SPIDR: variants seen among roughly 807,000 people sequenced by gnomAD.
SPIDR encodes scaffold protein involved in DNA repair.
A neutral mutation model predicts 104.6 loss-of-function variants in SPIDR; 93 were observed. The ratio of observed to expected loss-of-function variants is 0.89; its 90% CI spans 0.75 to 1.06. The LOEUF is 1.06. SPIDR is among the 50% of genes least tolerant of loss of function. The probability of loss-of-function intolerance (pLI) is 0.00; values close to 1 mark genes in which losing one functional copy is unlikely to be tolerated. For synonymous variants in SPIDR, 431 were observed against 416.9 expected (o/e 1.03, Z -0.41); for missense variants, 1,154 against 1,111.2 (o/e 1.04, Z -0.55).
intron 10 of SPIDR, among the ~76,000 whole-genome samples, chr8:47,671,585 AAAATAAATAAAT>A (rs60133278): frequency 7.7e-5 from 11 of 142,782 alleles, no homozygotes; most frequent in Admixed American, 1.4e-4. Flanking sequence ...ACTCCATCTC[AAAATAAATAAAT>A]AAATAAATAA....
At chr8:47,725,448 G>C (rs2084081699) in intron 16 of SPIDR, among the ~76,000 whole-genome samples, 1 of 152,158 alleles carries the variant, frequency 6.6e-6, no homozygotes, top group African/African-American at 2.4e-5. Context: ...CTTGAGTATA[G>C]TGGCGTGATC....
chr8:47,283,198 C>G (rs1358374153), intron 2 of SPIDR, among the ~76,000 whole-genome samples: 1 of 152,166 alleles, frequency 6.6e-6, no homozygotes, highest in African/African-American at 2.4e-5. Context: ...TCAGCTCTTC[C>G]TTTGCTTGAG....
intron 5 of SPIDR, 148 bp from the exon 6 acceptor site, chr8:47,396,228 A>G: frequency 1.4e-6 from 1 of 694,006 alleles, no homozygotes; most frequent in East Asian, 2.8e-5. Context: ...TTGTCAGAAC[A>G]GAAGTTAAAG....
chr8:47,578,333 A>G (rs574052846), intron 8 of SPIDR, among the ~76,000 whole-genome samples: 9 of 152,080 alleles, frequency 5.9e-5, no homozygotes, highest in Admixed American at 1.3e-4. Context: ...TTAGCCGGGC[A>G]TGGTGGCAGG....
intron 11 of SPIDR, chr8:47,688,308 G>C (rs2078117935): frequency 6.6e-6 from 1 of 151,940 alleles, no homozygotes; most frequent in Non-Finnish European, 1.5e-5. Flanking sequence ...ATGTTCAGTA[G>C]AGACGGGCTT....
chr8:47,264,177 G>A (rs2033321646), intron 1 of SPIDR, among the ~76,000 whole-genome samples: 1 of 152,172 alleles, frequency 6.6e-6, no homozygotes, highest in Non-Finnish European at 1.5e-5. Flanking sequence ...GAAAGGTGGT[G>A]TGGTTATGGA....
At chr8:47,525,640 A>G (rs2084859329) in intron 8 of SPIDR, among the ~76,000 whole-genome samples, 1 of 152,056 alleles carries the variant, frequency 6.6e-6, no homozygotes, top group South Asian at 2.1e-4. Context: ...ATCTCTACCA[A>G]AAATACAAAA....
intron 10 of SPIDR, chr8:47,659,594 GGCCCCCGCCCCCAATGC>G (rs1563453810): frequency 5.8e-6 from 1 of 171,728 alleles, no homozygotes; most frequent in African/African-American, 2.4e-5. Context: ...GAGTGGGCGA[GGCCCCCGCCCCCAATGC>G]GTCCCCGCCC....
At chr8:47,398,673 G>A (rs1204821187) in intron 6 of SPIDR, among the ~76,000 whole-genome samples, 1 of 152,164 alleles carries the variant, frequency 6.6e-6, no homozygotes, top group African/African-American at 2.4e-5. Flanking sequence ...TCCACGGGCA[G>A]GCCTGGCGTT....
intron 6 of SPIDR, among the ~76,000 whole-genome samples, chr8:47,400,893 C>A (rs530167092): frequency 2.6e-5 from 4 of 152,112 alleles, no homozygotes; most frequent in African/African-American, 9.6e-5. Context: ...GAGAATGGAA[C>A]CATGTTGGAA....
chr8:47,612,905 G>A (rs772608408), intron 10 of SPIDR, among the ~76,000 whole-genome samples: 87 of 152,222 alleles, frequency 5.7e-4, no homozygotes, highest in Non-Finnish European at 1.1e-3. Context: ...CCGCCACGGA[G>A]GAAATGGATG....
intron 5 of SPIDR, among the ~76,000 whole-genome samples, chr8:47,295,601 C>G (rs924953009): frequency 1.8e-4 from 28 of 152,102 alleles, no homozygotes; most frequent in Admixed American, 5.2e-4. Flanking sequence ...TAATGTCCTC[C>G]AGGTTCATTC....
chr8:47,487,038 T>A (rs1264385551), intron 8 of SPIDR, among the ~76,000 whole-genome samples: 3 of 152,196 alleles, frequency 2.0e-5, no homozygotes, highest in Non-Finnish European at 2.9e-5. Flanking sequence ...ATGCTCCAAT[T>A]AAAAGACACA....
chr8:47,425,543 A>G (rs111461754), intron 7 of SPIDR, among the ~76,000 whole-genome samples: 5,275 of 152,294 alleles, frequency 0.035, 166 homozygotes, highest in Admixed American at 0.091. Flanking sequence ...CAGAATATCA[A>G]TGTGAGGTGC....
At chr8:47,620,514 CGCCTCA>C (rs2064994553) in intron 10 of SPIDR, among the ~76,000 whole-genome samples, 1 of 151,926 alleles carries the variant, frequency 6.6e-6, no homozygotes, top group African/African-American at 2.4e-5. Context: ...GTGATCCACC[CGCCTCA>C]GCCTCCCAAA....
intron 10 of SPIDR, among the ~76,000 whole-genome samples, chr8:47,646,490 A>G (rs2070383022): frequency 6.6e-6 from 1 of 152,232 alleles, no homozygotes. Flanking sequence ...ATTCTTTGTG[A>G]TAGCAAGTGG....
At chr8:47,732,099 A>G in intron 19 of SPIDR, 1 of 702,008 alleles carries the variant, frequency 1.4e-6, no homozygotes, top group Non-Finnish European at 2.6e-6. Flanking sequence ...ACAGTGCTTG[A>G]CACCCGTTCC....
chr8:47,676,496 C>G (rs1297204068), intron 11 of SPIDR, among the ~76,000 whole-genome samples: 2 of 149,098 alleles, frequency 1.3e-5, no homozygotes, highest in Non-Finnish European at 3.0e-5. Flanking sequence ...ATCCATGGCC[C>G]AGTAAACACA....
intron 7 of SPIDR, among the ~76,000 whole-genome samples, chr8:47,421,560 C>T (rs544343058): frequency 4.6e-5 from 7 of 152,186 alleles, no homozygotes; most frequent in Admixed American, 1.3e-4. Context: ...TTTGAACTTC[C>T]TGCTTTAGCT....
Sources: gnomAD v4.1 joint callset for allele counts (sites outside exome capture counted in the v4.1 genomes callset) on GRCh38, gnomAD v4.1.1 for gene constraint, MANE v1.5 for transcripts, NCBI Gene and HGNC (gene_info 2026-07-23, HGNC 2026-07-21) for gene names.